The following PEX7 variants were observed in gnomAD, a reference collection of about 807,000 sequenced individuals.
PEX7 encodes peroxisomal biogenesis factor 7, also known as PTS2 receptor.
PEX7 carries 34 observed loss-of-function variants against 47.5 expected under a neutral mutation model. The observed-to-expected ratio is 0.72, with a 90% CI of 0.54 to 0.95. The LOEUF (loss-of-function observed/expected upper bound fraction) is 0.95. PEX7 is among the 40% of genes least tolerant of loss of function. The pLI is 0.00. For missense variants in PEX7, 394 were observed against 400.3 expected (o/e 0.98, Z 0.13); for synonymous variants, 141 against 148.8 (o/e 0.95, Z 0.38).
At chr6:136,912,339 TG>T (rs1775946903) in intron 9 of PEX7, among the ~76,000 whole-genome samples, 3 of 151,980 alleles carry the variant, frequency 2.0e-5, no homozygotes, top group Non-Finnish European at 2.9e-5. Context: ...TTTTTTTTTC[TG>T]AAAGTGTTAT....
chr6:136,881,553 A>C (rs879034970), intron 8 of PEX7, among the ~76,000 whole-genome samples: 1 of 152,230 alleles, frequency 6.6e-6, no homozygotes, highest in African/African-American at 2.4e-5. Context: ...TTCTGATTAA[A>C]GAGAAAAATC....
chr6:136,884,123 CA>C (rs1452938936), intron 8 of PEX7, among the ~76,000 whole-genome samples: 5 of 152,054 alleles, frequency 3.3e-5, no homozygotes, highest in Non-Finnish European at 7.4e-5. Flanking sequence ...GACTATATTA[CA>C]TGTATATATA....
chr6:136,867,650 C>T lies in PEX7; in HGVS notation c.633+917C>T, dbSNP rs143820850. Among the ~76,000 whole-genome samples the T allele has an allele frequency of 3.6e-3, 545 of 151,962 alleles. 9 individuals are homozygous for T. The South Asian group carries it at 0.042, about 12-fold the overall frequency. On this transcript the variant is annotated intron_variant, in intron 6 of 9. Coordinates refer to ENST00000318471, the MANE Select transcript of PEX7 (RefSeq NM_000288.4). Reference sequence around the variant, plus strand: ...AAAAAAAGCCAGGCATGGTGGCAGGCGCCTGTAGTCCCAGCTACTCGGGAG... The same window carrying T: ...AAAAAAAGCCAGGCATGGTGGCAGGTGCCTGTAGTCCCAGCTACTCGGGAG...
At chr6:136,880,964 A>G (rs1010475123) in intron 8 of PEX7, among the ~76,000 whole-genome samples, 1 of 152,216 alleles carries the variant, frequency 6.6e-6, no homozygotes, top group African/African-American at 2.4e-5. Flanking sequence ...TAAAATAATA[A>G]GTAGTGATTA....
intron 8 of PEX7, among the ~76,000 whole-genome samples, chr6:136,890,104 G>A (rs1775529669): frequency 6.6e-6 from 1 of 152,188 alleles, no homozygotes; most frequent in African/African-American, 2.4e-5. Context: ...AGTCAAGAGT[G>A]TGGCAACACT....
chr6:136,904,686 CCTTGT>C (rs1410427397), intron 9 of PEX7, among the ~76,000 whole-genome samples: 1 of 150,716 alleles, frequency 6.6e-6, no homozygotes, highest in African/African-American at 2.4e-5. Context: ...ACATGCTCCT[CCTTGT>C]CTTCTGCCAT....
chr6:136,889,643 G>A lies in PEX7; in HGVS notation c.804-8499G>A, dbSNP rs566073045. On this transcript the variant is annotated intron_variant, in intron 8 of 9. Coordinates refer to ENST00000318471, the MANE Select transcript of PEX7 (RefSeq NM_000288.4). ...TCAATAAGGCAACTGAGTAGATTTTGTTGCATGTATTTGTATTTTTTAAAT... is the reference window on the plus strand; with the variant it reads ...TCAATAAGGCAACTGAGTAGATTTTATTGCATGTATTTGTATTTTTTAAAT... Among the ~76,000 whole-genome samples the A allele has an allele frequency of 8.5e-5, 13 of 152,252 alleles. No homozygotes were observed. In the East Asian group the frequency reaches 2.3e-3, roughly 27 times the overall value.
In PEX7 at chr6:136,900,915, G is replaced by T; in HGVS notation, c.903+2674G>T. The stretch of plus-strand genomic sequence containing the variant: ...TAGCTGTTTGGTGGTCCCAGGGCCT[G>T]GGTGAACTGGTTCATCACAGGAGGC... On this transcript the variant is annotated intron_variant, in intron 9 of 9. Coordinates refer to ENST00000318471, the MANE Select transcript of PEX7 (RefSeq NM_000288.4). The surrounding 1 kb of genome is among the most constrained non-coding windows in gnomAD (Gnocchi z 4.2). 1 of 229,510 alleles carries T rather than the reference G, an allele frequency of 4.4e-6. No homozygotes were observed. Among genetic ancestry groups the T allele is most frequent in the African/African-American group, 2.3e-5 (1 of 42,850 alleles). 14.2% of individuals were successfully genotyped at this position (229,510 alleles called of 1,614,324 possible). A position where few individuals can be genotyped will look rare whatever the true frequency, so the allele number is the denominator to read the frequency against.
At chr6:136,912,200 C>G (rs911047850) in intron 9 of PEX7, among the ~76,000 whole-genome samples, 2 of 151,994 alleles carry the variant, frequency 1.3e-5, no homozygotes, top group Non-Finnish European at 2.9e-5. Flanking sequence ...TGTTCATTTT[C>G]TTAACAGTGT....
chr6:136,837,570 GT>G (rs1774414426), intron 3 of PEX7, among the ~76,000 whole-genome samples: 1 of 152,048 alleles, frequency 6.6e-6, no homozygotes, highest in Non-Finnish European at 1.5e-5. Flanking sequence ...AATATTCTTA[GT>G]GCCCTGAGTA....
chr6:136,870,247 A>G (rs1338596693), intron 7 of PEX7, among the ~76,000 whole-genome samples: 1 of 152,116 alleles, frequency 6.6e-6, no homozygotes, highest in Admixed American at 6.5e-5. Context: ...TCTTTTTCTC[A>G]TTCTTTCACC....
chr6:136,908,402 A>G (rs1775878171), intron 9 of PEX7, among the ~76,000 whole-genome samples: 1 of 152,166 alleles, frequency 6.6e-6, no homozygotes, highest in Non-Finnish European at 1.5e-5. Context: ...CTCTCTTCAA[A>G]TTTTACATTA....
intron 3 of PEX7, among the ~76,000 whole-genome samples, chr6:136,835,606 C>T (rs1175874198): frequency 1.3e-5 from 2 of 152,082 alleles, no homozygotes; most frequent in African/African-American, 4.8e-5. Flanking sequence ...AAAATATCTT[C>T]ATGCCCAGGT....
At chr6:136,823,301 T>C in intron 1 of PEX7, 1 of 985,400 alleles carries the variant, frequency 1.0e-6, no homozygotes, top group Non-Finnish European at 1.2e-6. Flanking sequence ...ACGCCTGGAG[T>C]CCCACGGGTG....
At chr6:136,887,009 C>G (rs116050490) in intron 8 of PEX7, among the ~76,000 whole-genome samples, 1 of 152,112 alleles carries the variant, frequency 6.6e-6, no homozygotes, top group African/African-American at 2.4e-5. Flanking sequence ...ATGTTTGCAA[C>G]ATTGTACTGC....
intron 3 of PEX7, 98 bp downstream of exon 3, chr6:136,826,567 C>A: frequency 1.5e-6 from 2 of 1,371,794 alleles, no homozygotes; most frequent in Non-Finnish European, 2.1e-6. Flanking sequence ...CTTCAGGGGA[C>A]AAGTTTAAAC....
intron 9 of PEX7, among the ~76,000 whole-genome samples, chr6:136,906,304 A>G (rs1775843974): frequency 6.6e-6 from 1 of 152,238 alleles, no homozygotes; most frequent in Non-Finnish European, 1.5e-5. Flanking sequence ...TTTGTAATTC[A>G]TGATTGTCAA....
intron 1 of PEX7, among the ~76,000 whole-genome samples, chr6:136,824,695 A>G (rs917646536): frequency 6.6e-6 from 1 of 152,214 alleles, no homozygotes; most frequent in Non-Finnish European, 1.5e-5. Flanking sequence ...TGTTTTCAGC[A>G]CTTTATTACC....
At chr6:136,874,108 G>A (rs987056757) in intron 8 of PEX7, among the ~76,000 whole-genome samples, 3 of 152,158 alleles carry the variant, frequency 2.0e-5, no homozygotes, top group African/African-American at 7.2e-5. Context: ...TAATGTGTCT[G>A]TGTTTTACTT....
Sources: gnomAD v4.1 joint callset for allele counts (sites outside exome capture counted in the v4.1 genomes callset) on GRCh38, gnomAD v4.1.1 for gene constraint, Gnocchi (gnomAD v3.1) non-coding constraint, MANE v1.5 for transcripts, NCBI Gene and HGNC (gene_info 2026-07-23, HGNC 2026-07-21) for gene names.